WWOX: variants seen among roughly 807,000 people sequenced by gnomAD.
The protein encoded by WWOX is WW domain-containing oxidoreductase.
In WWOX, 69 loss-of-function variants were observed where a neutral mutation model predicts 46.2. That is an observed-to-expected ratio of 1.49 (90% confidence interval 1.23 to 1.82). The LOEUF (loss-of-function observed/expected upper bound fraction) is 1.82, where lower values mean the gene tolerates loss of function less well. Among genes scored for constraint, WWOX ranks in the 40% most tolerant of loss-of-function variants. The pLI is 0.00. For missense variants in WWOX, 919 were observed against 542.6 expected (o/e 1.69, Z -6.89); for synonymous variants, 359 against 202.6 (o/e 1.77, Z -6.56).
chr16:79,064,786 G>T (rs374727925), intron 8 of WWOX, among the ~76,000 whole-genome samples: 8 of 152,320 alleles, frequency 5.3e-5, no homozygotes, highest in African/African-American at 1.9e-4. Flanking sequence ...ACAGCACTGG[G>T]TGTGAGGAAG....
intron 8 of WWOX, among the ~76,000 whole-genome samples, chr16:78,988,589 CTT>C (rs1021209600): frequency 2.0e-5 from 3 of 152,152 alleles, no homozygotes; most frequent in African/African-American, 7.2e-5. Flanking sequence ...CCCTTCAACT[CTT>C]TGCCATTGTT....
chr16:78,168,754 A>G (rs1340803084), intron 5 of WWOX, among the ~76,000 whole-genome samples: 1 of 152,182 alleles, frequency 6.6e-6, no homozygotes, highest in African/African-American at 2.4e-5. Context: ...GATATCCTTT[A>G]TAGAGCTCTC....
intron 8 of WWOX, among the ~76,000 whole-genome samples, chr16:78,919,669 C>A (rs180802099): frequency 6.6e-6 from 1 of 151,962 alleles, no homozygotes; most frequent in Non-Finnish European, 1.5e-5. Flanking sequence ...AGGCACACAC[C>A]ACCACACCTG....
intron 4 of WWOX, among the ~76,000 whole-genome samples, chr16:78,133,138 A>G (rs1194102721): frequency 6.6e-6 from 1 of 152,244 alleles, no homozygotes; most frequent in African/African-American, 2.4e-5. Context: ...TACTGGTTAT[A>G]AAGCTAGTCT....
At chr16:78,464,967 G>A (rs560646999) in intron 8 of WWOX, among the ~76,000 whole-genome samples, 10 of 152,318 alleles carry the variant, frequency 6.6e-5, no homozygotes, top group Admixed American at 6.5e-4. Flanking sequence ...TCAAAATTAT[G>A]GCAGAAGGCA....
At chr16:78,724,495 G>T (rs1358649269) in intron 8 of WWOX, among the ~76,000 whole-genome samples, 2 of 152,010 alleles carry the variant, frequency 1.3e-5, no homozygotes, top group Non-Finnish European at 2.9e-5. Context: ...AATGTTTACG[G>T]TTACTGATAT....
intron 5 of WWOX, among the ~76,000 whole-genome samples, chr16:78,258,576 C>T (rs1204632050): frequency 6.6e-6 from 1 of 151,842 alleles, no homozygotes; most frequent in Non-Finnish European, 1.5e-5. Flanking sequence ...CATGGAATTC[C>T]TAGGAACAGC....
intron 8 of WWOX, among the ~76,000 whole-genome samples, chr16:78,606,718 G>GTTTTTTTTTTTTTTTTTTTTTTTT (rs59612285): frequency 8.3e-6 from 1 of 121,078 alleles, no homozygotes. Flanking sequence ...CAGAATTGCA[G>GTTTTTTTTTTTTTTTTTTTTTTTT]TTTTTTTTTT....
At chr16:78,650,843 T>G (rs1327999462) in intron 8 of WWOX, among the ~76,000 whole-genome samples, 3 of 152,210 alleles carry the variant, frequency 2.0e-5, no homozygotes, top group Non-Finnish European at 4.4e-5. Context: ...GCCACGCTGA[T>G]GTAGACAGAA....
chr16:78,614,307 A>G (rs2045969279), intron 8 of WWOX, among the ~76,000 whole-genome samples: 1 of 152,248 alleles, frequency 6.6e-6, no homozygotes, highest in Non-Finnish European at 1.5e-5. Flanking sequence ...AGAGGGAATC[A>G]AGTAGAATAA....
In WWOX at chr16:78,753,732, G is replaced by A. The variant is rs148529095; in HGVS notation, c.1056+320980G>A. Among the ~76,000 whole-genome samples the A allele has an allele frequency of 1.8e-3, 267 of 145,138 alleles. 1 individual carries two copies. The highest frequency in any genetic ancestry group is 6.3e-3 in the African/African-American group (245 of 38,766). Reference sequence around the variant, plus strand: ...TGGGAGGATTGCTTGAGCCTGGGAAGTCAAGGCTGTAGTGAGCAAAGATCA... The same window carrying A: ...TGGGAGGATTGCTTGAGCCTGGGAAATCAAGGCTGTAGTGAGCAAAGATCA... On this transcript the variant is annotated intron_variant, in intron 8 of 8. Transcript: ENST00000566780.
chr16:79,194,373 A>T (rs2051196409), intron 8 of WWOX, among the ~76,000 whole-genome samples: 1 of 152,164 alleles, frequency 6.6e-6, no homozygotes, highest in African/African-American at 2.4e-5. Context: ...TGGGTTGGAT[A>T]CCTGGAACCC....
At chr16:78,687,375 C>A (rs1384562358) in intron 8 of WWOX, among the ~76,000 whole-genome samples, 1 of 152,176 alleles carries the variant, frequency 6.6e-6, no homozygotes, top group Non-Finnish European at 1.5e-5. Context: ...ATGCGAAAGT[C>A]CTTCATTTTC....
chr16:78,416,955 A>T (rs778733952), intron 6 of WWOX, among the ~76,000 whole-genome samples: 1 of 152,020 alleles, frequency 6.6e-6, no homozygotes, highest in Non-Finnish European at 1.5e-5. Context: ...CAGTTTCTCT[A>T]AGAAGTTGGT....
At chr16:78,363,686 C>G (rs573888523) in intron 5 of WWOX, among the ~76,000 whole-genome samples, 4 of 152,294 alleles carry the variant, frequency 2.6e-5, no homozygotes, top group East Asian at 1.9e-4. Flanking sequence ...TCAGGTTCTT[C>G]TATTAACCTT....
At chr16:78,495,990 C>T (rs572980951) in intron 8 of WWOX, 1 of 152,302 alleles carries the variant, frequency 6.6e-6, no homozygotes, top group South Asian at 2.1e-4. Flanking sequence ...CCACAGTCTT[C>T]TAAACACCTG....
intron 8 of WWOX, among the ~76,000 whole-genome samples, chr16:78,499,471 T>G (rs1208869454): frequency 6.6e-6 from 1 of 152,232 alleles, no homozygotes; most frequent in Non-Finnish European, 1.5e-5. Flanking sequence ...AGTGGTCAGG[T>G]GGGACTCATG....
At chr16:79,095,046 T>G (rs1231500284) in intron 8 of WWOX, among the ~76,000 whole-genome samples, 1 of 152,210 alleles carries the variant, frequency 6.6e-6, no homozygotes, top group Non-Finnish European at 1.5e-5. Context: ...GTCCACAAAT[T>G]GAGGCAAAAT....
chr16:78,619,980 T>C (rs1597358044), intron 8 of WWOX, among the ~76,000 whole-genome samples: 2 of 152,312 alleles, frequency 1.3e-5, no homozygotes, highest in East Asian at 1.9e-4. Flanking sequence ...CTGTAGCATG[T>C]GCACTACTCC....
Sources: allele counts gnomAD v4.1 joint callset (sites outside exome capture counted in the v4.1 genomes callset), GRCh38; gene constraint gnomAD v4.1.1; transcripts MANE v1.5; gene names NCBI Gene and HGNC (gene_info 2026-07-23, HGNC 2026-07-21).